Variants in TMED3 observed in about 807,000 individuals in gnomAD.
The protein encoded by TMED3 is transmembrane p24 trafficking protein 3.
In TMED3, 9 loss-of-function variants were observed where a neutral mutation model predicts 15.0. The ratio of observed to expected loss-of-function variants is 0.60; its 90% CI spans 0.36 to 1.04. The LOEUF is 1.04. Ranked by LOEUF, TMED3 falls within the 50% of genes least tolerant of loss-of-function variation. The pLI is 0.01. For synonymous variants in TMED3, 117 were observed against 121.4 expected (o/e 0.96, Z 0.24); for missense variants, 267 against 278.9 (o/e 0.96, Z 0.30).
chr15:79,344,194 G>A (rs2058860788), intron 2 of TMED3, among the ~76,000 whole-genome samples: 1 of 152,242 alleles, frequency 6.6e-6, no homozygotes, highest in African/African-American at 2.4e-5. Context: ...CCCCCAGAGT[G>A]TGGTGGCCCA....
intron 2 of TMED3, among the ~76,000 whole-genome samples, chr15:79,410,849 T>C (rs1893969817): frequency 1.3e-5 from 2 of 152,276 alleles, no homozygotes; most frequent in South Asian, 4.1e-4. Flanking sequence ...CCCAAGTCTA[T>C]CACAATACAT....
At chr15:79,351,839 C>T (rs2058892200) in intron 2 of TMED3, among the ~76,000 whole-genome samples, 1 of 152,154 alleles carries the variant, frequency 6.6e-6, no homozygotes, top group Non-Finnish European at 1.5e-5. Flanking sequence ...GCCTCTCAAT[C>T]AACAAGTGGA....
At chr15:79,325,558 T>C (rs1227250905), downstream of TMED3, among the ~76,000 whole-genome samples, 1 of 152,044 alleles carries the variant, frequency 6.6e-6, no homozygotes. Context: ...ATAGGATATA[T>C]GTATATATGA....
At chr15:79,367,510 A>G (rs1893258232) in intron 2 of TMED3, among the ~76,000 whole-genome samples, 1 of 152,224 alleles carries the variant, frequency 6.6e-6, no homozygotes, top group Non-Finnish European at 1.5e-5. Flanking sequence ...AAGTCCTATC[A>G]TAGGTCTTTT....
chr15:79,324,693 T>C (rs1244514212), downstream of TMED3, among the ~76,000 whole-genome samples: 3 of 152,194 alleles, frequency 2.0e-5, no homozygotes, highest in Non-Finnish European at 4.4e-5. Context: ...TCAAGTTCTT[T>C]TAGGGGATAT....
rs146939075 is a variant in TMED3 at position 79,321,173 on chromosome 15, T to G, written c.418-805T>G. 1.7e-3 allele frequency among the ~76,000 whole-genome samples: 257 copies of G among 152,268 alleles called. 1 individual carries two copies. The highest frequency in any genetic ancestry group is 5.7e-3 in the African/African-American group (238 of 41,568). On this transcript the variant is annotated intron_variant, in intron 2 of 2. Coordinates refer to ENST00000299705, the MANE Select transcript of TMED3 (RefSeq NM_007364.4). ...GTGATGGGATCAGGCCTGAATAACCTCCCCATCTTCAGGTCAGCTGTGTCA... is the reference window on the plus strand; with the variant it reads ...GTGATGGGATCAGGCCTGAATAACCGCCCCATCTTCAGGTCAGCTGTGTCA...
At chr15:79,377,960 A>G (rs1051043284) in intron 2 of TMED3, among the ~76,000 whole-genome samples, 1 of 152,224 alleles carries the variant, frequency 6.6e-6, no homozygotes, top group African/African-American at 2.4e-5. Flanking sequence ...AAACTGTTCT[A>G]TAATGTTAAA....
chr15:79,338,135 T>A (rs2058833895), intron 2 of TMED3, among the ~76,000 whole-genome samples: 1 of 152,212 alleles, frequency 6.6e-6, no homozygotes, highest in Admixed American at 6.5e-5. Context: ...TGTTCATGTA[T>A]AATATATAGT....
chr15:79,393,448 A>G (rs1386573661), intron 2 of TMED3, among the ~76,000 whole-genome samples: 1 of 152,242 alleles, frequency 6.6e-6, no homozygotes, highest in African/African-American at 2.4e-5. Flanking sequence ...TTGTAGACAC[A>G]TGAGCACTAT....
intron 2 of TMED3, among the ~76,000 whole-genome samples, chr15:79,351,368 C>T (rs1273385960): frequency 6.6e-6 from 1 of 152,186 alleles, no homozygotes; most frequent in Non-Finnish European, 1.5e-5. Context: ...TCAGTTTATA[C>T]ACAAATCCAT....
chr15:79,330,878 A>G (rs1481396417), intron 2 of TMED3, among the ~76,000 whole-genome samples: 1 of 152,236 alleles, frequency 6.6e-6, no homozygotes, highest in African/African-American at 2.4e-5. Flanking sequence ...AAATTAATCT[A>G]CATATCTATA....
At chr15:79,328,026 G>T (rs1437527635) in intron 2 of TMED3, among the ~76,000 whole-genome samples, 1 of 152,220 alleles carries the variant, frequency 6.6e-6, no homozygotes, top group Non-Finnish European at 1.5e-5. Flanking sequence ...TGACATATAA[G>T]TGTTGGAGAC....
At chr15:79,385,297 A>G (rs1893610409) in intron 2 of TMED3, among the ~76,000 whole-genome samples, 1 of 152,182 alleles carries the variant, frequency 6.6e-6, no homozygotes, top group Non-Finnish European at 1.5e-5. Context: ...TGTCTAACTC[A>G]GGCAAGGTGA....
intron 2 of TMED3, among the ~76,000 whole-genome samples, chr15:79,328,815 G>C (rs1186672547): frequency 6.6e-6 from 1 of 152,182 alleles, no homozygotes; most frequent in African/African-American, 2.4e-5. Context: ...TAGCCTGGGG[G>C]CAGAGGCCCC....
exon 3 of TMED3, chr15:79,412,394 G>A (rs2141262080): frequency 6.6e-6 from 1 of 152,534 alleles, no homozygotes; most frequent in Non-Finnish European, 1.5e-5. Flanking sequence ...GAGTCCACCA[G>A]CCTCACCTTC....
At chr15:79,347,566 CA>C (rs757646194) in intron 2 of TMED3, among the ~76,000 whole-genome samples, 30 of 152,202 alleles carry the variant, frequency 2.0e-4, no homozygotes, top group Admixed American at 1.6e-3. Context: ...AAAGTGCATC[CA>C]AATAAGAAGG....
chr15:79,396,546 G>C (rs1345450595), intron 2 of TMED3, among the ~76,000 whole-genome samples: 1 of 152,210 alleles, frequency 6.6e-6, no homozygotes, highest in African/African-American at 2.4e-5. Context: ...AGGGTAGTTG[G>C]ACTTTTTCCA....
At chr15:79,411,380 T>C (rs1369631826) in intron 2 of TMED3, 1 of 702,288 alleles carries the variant, frequency 1.4e-6, no homozygotes, top group South Asian at 1.5e-5. Flanking sequence ...TAAATCTTTT[T>C]ATCTTTTTGA....
chr15:79,392,439 C>A (rs888478170), intron 2 of TMED3, among the ~76,000 whole-genome samples: 3 of 152,126 alleles, frequency 2.0e-5, no homozygotes, highest in African/African-American at 7.2e-5. Flanking sequence ...GGCCCCAAAT[C>A]CTTCTAGCTT....
Sources: gnomAD v4.1 joint callset for allele counts (sites outside exome capture counted in the v4.1 genomes callset) on GRCh38, gnomAD v4.1.1 for gene constraint, MANE v1.5 for transcripts, NCBI Gene and HGNC (gene_info 2026-07-23, HGNC 2026-07-21) for gene names.